The following MIA2 variants were observed in gnomAD, a reference collection of about 807,000 sequenced individuals.
MIA2 encodes melanoma inhibitory activity protein 2.
MIA2 carries 127 observed loss-of-function variants against 167.8 expected under a neutral mutation model. That is an observed-to-expected ratio of 0.76 (90% CI 0.66 to 0.88). The LOEUF (loss-of-function observed/expected upper bound fraction) is 0.88, where lower values mean the gene tolerates loss of function less well. Among genes scored for constraint, MIA2 ranks in the 40% least tolerant of loss-of-function variants. The pLI is 0.00. For missense variants in MIA2, 1,690 were observed against 1,624.7 expected (o/e 1.04, Z -0.69); for synonymous variants, 552 against 541.9 (o/e 1.02, Z -0.26).
chr14:39,363,828 T>C (rs2074754347), intron 23 of MIA2, among the ~76,000 whole-genome samples: 1 of 152,222 alleles, frequency 6.6e-6, no homozygotes, highest in Non-Finnish European at 1.5e-5. Context: ...GTAAGTACTC[T>C]TGCTTGCTTT....
chr14:39,348,088 C>A (rs745786486), intron 27 of MIA2, among the ~76,000 whole-genome samples: 8 of 152,184 alleles, frequency 5.3e-5, no homozygotes, highest in Admixed American at 2.6e-4. Flanking sequence ...GCTGGTATTA[C>A]AGGTGTGAGC....
At chr14:39,290,651 ACG>A (rs2060610578) in intron 9 of MIA2, among the ~76,000 whole-genome samples, 1 of 152,240 alleles carries the variant, frequency 6.6e-6, no homozygotes, top group Non-Finnish European at 1.5e-5. Flanking sequence ...TAGACAGCTT[ACG>A]TAAAAATACG....
At chr14:39,301,186 G>T (rs2062434083) in intron 14 of MIA2, among the ~76,000 whole-genome samples, 1 of 151,864 alleles carries the variant, frequency 6.6e-6, no homozygotes, top group African/African-American at 2.4e-5. Context: ...TCAGCCTCCT[G>T]AGTAGCTGGG....
chr14:39,319,361 T>A, intron 23 of MIA2, 70 bp downstream of exon 23: 1 of 712,062 alleles, frequency 1.4e-6, no homozygotes. Context: ...GCACATATAG[T>A]TTCTATTAGT....
At chr14:39,309,993 AG>A (rs2063954358) in intron 18 of MIA2, among the ~76,000 whole-genome samples, 1 of 151,502 alleles carries the variant, frequency 6.6e-6, no homozygotes, top group Non-Finnish European at 1.5e-5. Flanking sequence ...ACAGACTTTC[AG>A]GTTCCTTTAG....
chr14:39,345,622 C>CAT (rs1347945384), intron 25 of MIA2, among the ~76,000 whole-genome samples: 9 of 152,032 alleles, frequency 5.9e-5, no homozygotes, highest in Non-Finnish European at 1.2e-4. Flanking sequence ...AGTTAATTTA[C>CAT]ATATATATAA....
intron 23 of MIA2, chr14:39,386,676 T>G: frequency 8.9e-7 from 1 of 1,120,130 alleles, no homozygotes; most frequent in South Asian, 1.3e-5. Flanking sequence ...AAAGACCTTC[T>G]CATTATTGTT....
chr14:39,267,615 C>A, intron 6 of MIA2: 1 of 1,463,990 alleles, frequency 6.8e-7, no homozygotes, highest in Non-Finnish European at 9.3e-7. Flanking sequence ...GTCTAAGCCG[C>A]CGTGGTCAGA....
chr14:39,349,112 A>G (rs1595906472), intron 28 of MIA2, 135 bp downstream of exon 28: 1 of 1,179,074 alleles, frequency 8.5e-7, no homozygotes, highest in Non-Finnish European at 1.2e-6. Context: ...GAAAATTCTC[A>G]TTACTTTTCC....
At chr14:39,355,221 C>G (rs552311632), downstream of MIA2, among the ~76,000 whole-genome samples, 3 of 152,202 alleles carry the variant, frequency 2.0e-5, no homozygotes, top group African/African-American at 4.8e-5. Context: ...TTTGTATCCT[C>G]TTTTATTTCA....
chr14:39,299,523 T>A (rs1467948293), intron 13 of MIA2, among the ~76,000 whole-genome samples: 1 of 151,994 alleles, frequency 6.6e-6, no homozygotes, highest in Admixed American at 6.6e-5. Context: ...GCCAGGATGG[T>A]GGTATTTCTA....
chr14:39,324,247 A>C (rs2067021115), intron 24 of MIA2, among the ~76,000 whole-genome samples: 1 of 152,200 alleles, frequency 6.6e-6, no homozygotes, highest in Non-Finnish European at 1.5e-5. Context: ...TGTCTCCTTT[A>C]AATCTCTGTG....
chr14:39,307,390 ATTTTTTTTTTTT>A (rs373046158), intron 17 of MIA2, among the ~76,000 whole-genome samples: 8 of 67,530 alleles, frequency 1.2e-4, no homozygotes, highest in African/African-American at 3.4e-4. Context: ...AGTTAAAAGA[ATTTTTTTTTTTT>A]TTTTTTTTTT....
chr14:39,312,297 A>G (rs72675428), intron 18 of MIA2, among the ~76,000 whole-genome samples: 1 of 127,906 alleles, frequency 7.8e-6, no homozygotes, highest in Non-Finnish European at 1.9e-5. Flanking sequence ...GTAAAAACAC[A>G]TCTCTCTTCC....
chr14:39,329,235 A>G lies in MIA2; in HGVS notation c.3655+2213A>G, dbSNP rs150186847. On this transcript the variant is annotated intron_variant, in intron 25 of 28. Coordinates refer to ENST00000640607, the MANE Select transcript of MIA2 (RefSeq NM_001329214.4). Reference sequence around the variant, plus strand: ...TTTATTCTCTTTGTAGTAATTGCGAATGGGAGTTTGGTCATGATTTGGCTC... The same window carrying G: ...TTTATTCTCTTTGTAGTAATTGCGAGTGGGAGTTTGGTCATGATTTGGCTC... Among the ~76,000 whole-genome samples, 14 of 152,250 alleles carry G rather than the reference A, an allele frequency of 9.2e-5. No individual in the cohort carries two copies. In the East Asian group the frequency reaches 1.7e-3, roughly 19 times the overall value.
intron 23 of MIA2, among the ~76,000 whole-genome samples, chr14:39,375,799 C>G (rs1482903220): frequency 5.3e-5 from 8 of 152,160 alleles, no homozygotes; most frequent in Non-Finnish European, 1.5e-5. Context: ...TGAACAAAAT[C>G]ATGTAACTGA....
chr14:39,357,886 T>A (rs1201666390), intron 23 of MIA2, among the ~76,000 whole-genome samples: 3 of 21,446 alleles, frequency 1.4e-4, no homozygotes, highest in Non-Finnish European at 2.2e-4. Context: ...TGGCCCGCAC[T>A]CTCTTCTGGC....
chr14:39,291,743 C>G (rs1242907661), intron 10 of MIA2, among the ~76,000 whole-genome samples: 1 of 152,030 alleles, frequency 6.6e-6, no homozygotes, highest in Non-Finnish European at 1.5e-5. Flanking sequence ...AGTAGGCTTT[C>G]CTGAGCCAAG....
chr14:39,329,730 G>C (rs2068383662), intron 25 of MIA2, among the ~76,000 whole-genome samples: 1 of 150,962 alleles, frequency 6.6e-6, no homozygotes, highest in South Asian at 2.1e-4. Context: ...AGATAATCAT[G>C]TGGTTTTTGT....
Sources: allele counts gnomAD v4.1 joint callset (sites outside exome capture counted in the v4.1 genomes callset), GRCh38; gene constraint gnomAD v4.1.1; transcripts MANE v1.5; gene names NCBI Gene and HGNC (gene_info 2026-07-23, HGNC 2026-07-21).